UCMA: variants seen among roughly 807,000 people sequenced by gnomAD.
UCMA encodes upper zone of growth plate and cartilage matrix associated.
Under a neutral mutation model 21.8 loss-of-function variants are expected in UCMA, and 21 were observed. The observed-to-expected ratio is 0.97, with a 90% CI of 0.68 to 1.39. The LOEUF (loss-of-function observed/expected upper bound fraction) is 1.39. Ranked by LOEUF, UCMA falls within the 40% of genes most tolerant of loss-of-function variation. The probability of loss-of-function intolerance (pLI) is 0.00; values close to 1 mark genes in which losing one functional copy is unlikely to be tolerated. For synonymous variants in UCMA, 76 were observed against 67.9 expected, an observed-to-expected ratio of 1.12 and a Z score of -0.58; for missense variants, 193 against 178.9, an observed-to-expected ratio of 1.08 and a Z score of -0.45.
At chr10:13,227,474 T>C (rs984244892) in intron 4 of UCMA, among the ~76,000 whole-genome samples, 17 of 152,062 alleles carry the variant, frequency 1.1e-4, no homozygotes, top group African/African-American at 4.1e-4. Flanking sequence ...TCCCAGCACT[T>C]TGGGAGACTG....
chr10:13,222,916 G>A (rs907074988), intron 4 of UCMA, among the ~76,000 whole-genome samples: 1 of 151,728 alleles, frequency 6.6e-6, no homozygotes. Flanking sequence ...CAATCCTCCT[G>A]TCTCAGCCTC....
chr10:13,227,239 A>T (rs571570122), intron 4 of UCMA, among the ~76,000 whole-genome samples: 1 of 152,252 alleles, frequency 6.6e-6, no homozygotes, highest in African/African-American at 2.4e-5. Flanking sequence ...TCACTAGGAG[A>T]TGCCTTCCGA....
At chr10:13,222,479 A>G (rs1834770763) in intron 4 of UCMA, among the ~76,000 whole-genome samples, 1 of 152,286 alleles carries the variant, frequency 6.6e-6, no homozygotes, top group Non-Finnish European at 1.5e-5. Context: ...AGGAGGGCAG[A>G]GGCTTATGCA....
chr10:13,229,403 G>A (rs1312520967), intron 4 of UCMA, among the ~76,000 whole-genome samples: 1 of 152,034 alleles, frequency 6.6e-6, no homozygotes, highest in African/African-American at 2.4e-5. Context: ...CTACTCTGGA[G>A]GTTGAGGCAG....
intron 4 of UCMA, among the ~76,000 whole-genome samples, chr10:13,229,085 G>A (rs1318144250): frequency 3.3e-5 from 5 of 151,874 alleles, no homozygotes; most frequent in African/African-American, 1.2e-4. Context: ...ACAGGTGCCC[G>A]CCACCACACC....
Position 13,234,364 on chromosome 10 carries a change from A to G in UCMA, c.-106T>C. 1 of 1,137,364 alleles carries G rather than the reference A, an allele frequency of 8.8e-7. No individual in the cohort carries two copies. Among genetic ancestry groups the G allele is most frequent in the Non-Finnish European group, 1.2e-6 (1 of 805,136 alleles). 70.5% of individuals were successfully genotyped at this position (1,137,364 alleles called of 1,614,324 possible). The stretch of plus-strand genomic sequence containing the variant: ...CAGGCAGCCCAGGCGAGAGGAAGGA[A>G]GGCGGGGGAGGGAAGAGAGAGGCAG... On this transcript the variant is annotated 5_prime_UTR_variant, in exon 1 of 5. Transcript: ENST00000378681.
At chr10:13,225,651 G>A (rs1283869278) in intron 4 of UCMA, among the ~76,000 whole-genome samples, 1 of 141,962 alleles carries the variant, frequency 7.0e-6, no homozygotes, top group Non-Finnish European at 1.5e-5. Context: ...CTCCAGCCTG[G>A]TGACAGAGCG....
intron 4 of UCMA, among the ~76,000 whole-genome samples, chr10:13,224,380 A>G (rs1249790076): frequency 6.7e-6 from 1 of 150,298 alleles, no homozygotes; most frequent in African/African-American, 2.4e-5. Flanking sequence ...AAAGTAAAGA[A>G]AGAGAAGAAA....
chr10:13,225,771 G>T (rs1834817144), intron 4 of UCMA, among the ~76,000 whole-genome samples: 1 of 152,046 alleles, frequency 6.6e-6, no homozygotes, highest in African/African-American at 2.4e-5. Context: ...CTCAGGGGAG[G>T]GCTTGGAAGT....
intron 4 of UCMA, among the ~76,000 whole-genome samples, chr10:13,227,741 AATACACACAC>A (rs1834841779): frequency 3.6e-5 from 1 of 27,500 alleles, no homozygotes; most frequent in African/African-American, 1.2e-4. Context: ...AAGGAAAGGA[AATACACACAC>A]ACACACACAC....
intron 3 of UCMA, among the ~76,000 whole-genome samples, chr10:13,232,739 G>A (rs1379483017): frequency 1.3e-5 from 2 of 152,100 alleles, no homozygotes; most frequent in East Asian, 3.9e-4. Flanking sequence ...CCACAGGCAC[G>A]AGGAGGAAAG....
chr10:13,231,509 G>A (rs1263772456), intron 3 of UCMA, among the ~76,000 whole-genome samples: 5 of 152,160 alleles, frequency 3.3e-5, no homozygotes, highest in Admixed American at 3.3e-4. Context: ...AAGCCGTTGT[G>A]GGAGGTGCGG....
At chr10:13,229,788 A>C in intron 3 of UCMA, 79 bp from the exon 4 acceptor site, 4 of 1,190,290 alleles carry the variant, frequency 3.4e-6, no homozygotes, top group African/African-American at 1.5e-5. Flanking sequence ...AGCACAGTTC[A>C]TCTGAGAAGT....
rs556688178 is a variant in UCMA, at chr10:13,223,615, G to A, written c.320-1415C>T. Among the ~76,000 whole-genome samples the A allele has an allele frequency of 3.9e-5, 6 of 152,264 alleles. No individual in the cohort carries two copies. In the East Asian group the frequency reaches 7.7e-4, roughly 20 times the overall value. The stretch of plus-strand genomic sequence containing the variant: ...GTCACCCAGGCTGGGGTGCAGTGGC[G>A]TGATCTCGGCTCACTGTAACCTCCG... On this transcript the variant is annotated intron_variant, in intron 4 of 4. Coordinates refer to ENST00000378681, the MANE Select transcript of UCMA (RefSeq NM_145314.3).
intron 4 of UCMA, among the ~76,000 whole-genome samples, chr10:13,226,499 T>C (rs1176847102): frequency 6.6e-6 from 1 of 152,172 alleles, no homozygotes; most frequent in South Asian, 2.1e-4. Flanking sequence ...AAAATTTTTT[T>C]TCTTTTGTAG....
chr10:13,229,402 A>G (rs1834867871), intron 4 of UCMA, among the ~76,000 whole-genome samples: 1 of 151,760 alleles, frequency 6.6e-6, no homozygotes, highest in Non-Finnish European at 1.5e-5. Context: ...GCTACTCTGG[A>G]GGTTGAGGCA....
intron 3 of UCMA, among the ~76,000 whole-genome samples, chr10:13,230,058 A>G (rs924582816): frequency 1.3e-5 from 2 of 152,220 alleles, no homozygotes; most frequent in Non-Finnish European, 2.9e-5. Flanking sequence ...GAATAATACA[A>G]CTTAATCTCA....
chr10:13,233,990 T>C (rs1238301150), intron 1 of UCMA, among the ~76,000 whole-genome samples, 190 bp from the exon 2 acceptor site: 11 of 151,982 alleles, frequency 7.2e-5, no homozygotes, highest in East Asian at 1.9e-4. Flanking sequence ...GGGTTTTTTT[T>C]CTATTTTGTT....
chr10:13,224,805 G>C (rs114368963), intron 4 of UCMA, among the ~76,000 whole-genome samples: 1,820 of 152,342 alleles, frequency 0.012, 34 homozygotes, highest in African/African-American at 0.042. Context: ...ACCAAGGCAT[G>C]TTGAGGCACC....
Sources: gnomAD v4.1 joint callset for allele counts (sites outside exome capture counted in the v4.1 genomes callset) on GRCh38, gnomAD v4.1.1 for gene constraint, MANE v1.5 for transcripts, NCBI Gene and HGNC (gene_info 2026-07-23, HGNC 2026-07-21) for gene names.